The following HMCN1 variants were observed in gnomAD, a reference collection of about 807,000 sequenced individuals.
HMCN1 encodes hemicentin-1.
HMCN1 carries 321 observed loss-of-function variants against 625.9 expected under a neutral mutation model. The ratio of observed to expected loss-of-function variants is 0.51; its 90% CI spans 0.47 to 0.56. The LOEUF is 0.56. Ranked by LOEUF, HMCN1 falls within the 20% of genes least tolerant of loss-of-function variation. HMCN1 has a pLI of 0.00. For missense variants in HMCN1, 6,588 were observed against 6,887.3 expected, an observed-to-expected ratio of 0.96 and a Z score of 1.54; for synonymous variants, 2,425 against 2,417.6, an observed-to-expected ratio of 1.00 and a Z score of -0.09.
At chr1:185,969,751 A>G (rs1650676289) in intron 14 of HMCN1, among the ~76,000 whole-genome samples, 1 of 152,186 alleles carries the variant, frequency 6.6e-6, no homozygotes, top group Admixed American at 6.6e-5. Context: ...AGTACTATGT[A>G]CAGTACTATG....
At chr1:186,079,919 G>A (rs1378017717) in intron 55 of HMCN1, among the ~76,000 whole-genome samples, 1 of 152,148 alleles carries the variant, frequency 6.6e-6, no homozygotes, top group Non-Finnish European at 1.5e-5. Context: ...ACAATTCTGA[G>A]TGGTGTAACC....
intron 68 of HMCN1, among the ~76,000 whole-genome samples, chr1:186,101,163 A>G (rs747723951): frequency 6.6e-6 from 1 of 151,932 alleles, no homozygotes; most frequent in Non-Finnish European, 1.5e-5. Flanking sequence ...ACAACTAGGA[A>G]GAAAAAAAAA....
At chr1:185,753,437 T>C (rs191958592) in intron 1 of HMCN1, among the ~76,000 whole-genome samples, 13 of 152,202 alleles carry the variant, frequency 8.5e-5, no homozygotes, top group Admixed American at 8.5e-4. Flanking sequence ...TAATTTTTTG[T>C]TTTCTGTTTT....
chr1:186,120,893 T>C (rs184220056), intron 80 of HMCN1, among the ~76,000 whole-genome samples: 1 of 152,288 alleles, frequency 6.6e-6, no homozygotes, highest in Admixed American at 6.5e-5. Context: ...AACTACCAGA[T>C]AGATGAAATA....
intron 1 of HMCN1, among the ~76,000 whole-genome samples, chr1:185,804,028 T>C (rs1432437339): frequency 6.6e-6 from 1 of 152,108 alleles, no homozygotes. Flanking sequence ...TGTGAATTGG[T>C]ACAGAAAAGA....
intron 15 of HMCN1, among the ~76,000 whole-genome samples, chr1:185,974,094 A>G (rs1271163770): frequency 6.6e-6 from 1 of 152,228 alleles, no homozygotes; most frequent in Non-Finnish European, 1.5e-5. Context: ...AGCCATATCT[A>G]TATGTAAGTT....
intron 93 of HMCN1, among the ~76,000 whole-genome samples, chr1:186,147,460 T>C (rs573634362): frequency 2.0e-5 from 3 of 151,316 alleles, no homozygotes; most frequent in Non-Finnish European, 4.4e-5. Flanking sequence ...GTACAGACCA[T>C]GAAGGCTGAA....
chr1:186,119,612 A>T, intron 78 of HMCN1, 133 bp from the exon 79 acceptor site: 1 of 951,666 alleles, frequency 1.1e-6, no homozygotes, highest in Non-Finnish European at 1.6e-6. Context: ...GCCAACATTC[A>T]CTTTTCTCTT....
intron 49 of HMCN1, among the ~76,000 whole-genome samples, chr1:186,067,128 C>A (rs1444948961): frequency 6.6e-6 from 1 of 152,148 alleles, no homozygotes; most frequent in Non-Finnish European, 1.5e-5. Context: ...GGTTCCCAAG[C>A]AAGCAAACTG....
intron 1 of HMCN1, among the ~76,000 whole-genome samples, chr1:185,777,305 A>G (rs1192036223): frequency 1.3e-5 from 2 of 152,224 alleles, no homozygotes; most frequent in African/African-American, 2.4e-5. Flanking sequence ...TCTATAAGGT[A>G]TCATTCAATA....
intron 77 of HMCN1, 54 bp downstream of exon 77, chr1:186,117,677 A>G (rs1057330400): frequency 6.6e-7 from 1 of 1,519,208 alleles, no homozygotes; most frequent in African/African-American, 1.4e-5. Flanking sequence ...TTATTGATGC[A>G]TATTCTTACC....
intron 1 of HMCN1, 78 bp downstream of exon 1, chr1:185,735,125 G>T: frequency 6.7e-7 from 1 of 1,482,356 alleles, no homozygotes; most frequent in Non-Finnish European, 9.4e-7. Flanking sequence ...GAAATTGTTT[G>T]TCAGGAAGTT....
At chr1:186,053,722 C>A in intron 43 of HMCN1, 103 bp from the exon 44 acceptor site, 1 of 1,139,046 alleles carries the variant, frequency 8.8e-7, no homozygotes. Flanking sequence ...GTGTCATTTG[C>A]CTTTTATATA....
At chr1:186,154,138 GA>G in intron 97 of HMCN1, 151 bp downstream of exon 97, 1 of 690,688 alleles carries the variant, frequency 1.4e-6, no homozygotes, top group Non-Finnish European at 2.6e-6. Context: ...AAGCCCTATG[GA>G]AAAGCCAACC....
intron 105 of HMCN1, among the ~76,000 whole-genome samples, chr1:186,185,776 A>G (rs1303949169): frequency 6.6e-6 from 1 of 152,234 alleles, no homozygotes; most frequent in African/African-American, 2.4e-5. Context: ...CTACTGTACA[A>G]TGACATCGTA....
intron 95 of HMCN1, 28 bp downstream of exon 95, chr1:186,151,771 A>G: frequency 6.2e-7 from 1 of 1,608,722 alleles, no homozygotes; most frequent in African/African-American, 1.3e-5. Flanking sequence ...TTAATATTCT[A>G]TTACTATAAA....
chr1:186,086,283 TACC>T lies in HMCN1; in HGVS notation c.8923_8925del (p.Thr2975del). ...TCATTGGTCCTAAATCTGAAAATCT[TACC>T]GTCGTGGTGAACAATTTCATCTCTT... On this transcript the variant is annotated inframe_deletion, in exon 58 of 107. Coordinates refer to ENST00000271588, the MANE Select transcript of HMCN1 (RefSeq NM_031935.3). 6.2e-7 allele frequency: 1 copy of T among 1,613,128 alleles called. No homozygotes were observed. The highest frequency in any genetic ancestry group is 8.5e-7 in the Non-Finnish European group (1 of 1,179,320).
Position 186,038,803 on chromosome 1 carries a change from ATCATCT to A in HMCN1, c.5852-23_5852-18del. 6.7e-7 allele frequency: 1 copy of A among 1,496,008 alleles called. No individual in the cohort carries two copies. The highest frequency in any genetic ancestry group is 9.3e-7 in the Non-Finnish European group (1 of 1,072,984). The allele number at this position is 1,496,008 out of a possible 1,614,324, so 92.7% of individuals were successfully genotyped here. On this transcript the variant is annotated intron_variant, in intron 37 of 106. Coordinates refer to ENST00000271588, the MANE Select transcript of HMCN1 (RefSeq NM_031935.3). Reference sequence around the variant, plus strand: ...TTTAATTTAAAAAATTTTTACATAGATCATCTTCTCCCCTTCTTCTTTCAGTTATTA... The same window carrying A: ...TTTAATTTAAAAAATTTTTACATAGATCTCCCCTTCTTCTTTCAGTTATTA...
intron 97 of HMCN1, among the ~76,000 whole-genome samples, chr1:186,156,672 G>A (rs115512915): frequency 6.6e-6 from 1 of 152,148 alleles, no homozygotes; most frequent in African/African-American, 2.4e-5. Context: ...CACAGAAATA[G>A]CCAAAGATGA....
Sources: allele counts gnomAD v4.1 joint callset (sites outside exome capture counted in the v4.1 genomes callset), GRCh38; gene constraint gnomAD v4.1.1; transcripts MANE v1.5; gene names NCBI Gene and HGNC (gene_info 2026-07-23, HGNC 2026-07-21).